FAM13C: variants seen among roughly 807,000 people sequenced by gnomAD.
FAM13C encodes family with sequence similarity 13 member C.
In FAM13C, 37 loss-of-function variants were observed where a neutral mutation model predicts 73.2. That is an observed-to-expected ratio of 0.51 (90% confidence interval 0.39 to 0.67). The LOEUF (loss-of-function observed/expected upper bound fraction) is 0.67, where lower values mean the gene tolerates loss of function less well. Ranked by LOEUF, FAM13C falls within the 30% of genes least tolerant of loss-of-function variation. FAM13C has a pLI of 0.00. For missense variants in FAM13C, 589 were observed against 715.6 expected (o/e 0.82, Z 2.02); for synonymous variants, 246 against 260.9 (o/e 0.94, Z 0.55).
intron 5 of FAM13C, among the ~76,000 whole-genome samples, chr10:59,289,644 C>A (rs114416841): frequency 6.6e-6 from 1 of 152,194 alleles, no homozygotes; most frequent in African/African-American, 2.4e-5. Flanking sequence ...AAAATCATGA[C>A]AGTTATTATT....
At chr10:59,265,845 T>C (rs998088129) in intron 8 of FAM13C, among the ~76,000 whole-genome samples, 1 of 152,194 alleles carries the variant, frequency 6.6e-6, no homozygotes. Flanking sequence ...TCAAATCACA[T>C]GGAAAGTTCT....
At chr10:59,302,545 A>T (rs1281963840) in intron 5 of FAM13C, among the ~76,000 whole-genome samples, 1 of 152,344 alleles carries the variant, frequency 6.6e-6, no homozygotes, top group Admixed American at 6.5e-5. Context: ...AGCTGAAAAG[A>T]GTGTAACAAA....
intron 4 of FAM13C, among the ~76,000 whole-genome samples, chr10:59,306,082 G>C (rs989825934): frequency 3.3e-5 from 5 of 152,314 alleles, no homozygotes; most frequent in Admixed American, 2.6e-4. Flanking sequence ...AAATGGAAGA[G>C]TGGTATTCTC....
At chr10:59,335,484 A>G in intron 3 of FAM13C, among the ~76,000 whole-genome samples, 1 of 152,158 alleles carries the variant, frequency 6.6e-6, no homozygotes, top group East Asian at 1.9e-4. Flanking sequence ...GCCAATAGAT[A>G]CCCCATGTCT....
rs946161554 is a variant in FAM13C at position 59,247,572 on chromosome 10, C to T, written c.*42G>A. 1.9e-6 allele frequency: 3 copies of T among 1,610,830 alleles called. No homozygotes were observed. The highest frequency in any genetic ancestry group is 2.5e-6 in the Non-Finnish European group (3 of 1,178,688). Reference sequence around the variant, plus strand: ...GGATGGCAGAGGAAAATAAACTTTACTTTATATCATGGGTGAAAGTGATCA... The same window carrying T: ...GGATGGCAGAGGAAAATAAACTTTATTTTATATCATGGGTGAAAGTGATCA... On this transcript the variant is annotated 3_prime_UTR_variant, in exon 14 of 14. Coordinates refer to ENST00000618804, the MANE Select transcript of FAM13C (RefSeq NM_198215.4).
chr10:59,247,598 TAAC>T lies in FAM13C; in HGVS notation c.*13_*15del, dbSNP rs746362808. On this transcript the variant is annotated 3_prime_UTR_variant, in exon 14 of 14. Transcript: ENST00000618804. The stretch of plus-strand genomic sequence containing the variant: ...TTTATATCATGGGTGAAAGTGATCA[TAAC>T]ATTTCCTGAACCTCAAATAGTTTTG... The T allele has an allele frequency of 6.2e-7, 1 of 1,613,196 alleles. No individual in the cohort carries two copies.
intron 8 of FAM13C, 21 bp from the exon 9 acceptor site, chr10:59,264,187 TGGG>T (rs1335799349): frequency 7.9e-7 from 1 of 1,268,482 alleles, no homozygotes; most frequent in Non-Finnish European, 1.0e-6. Context: ...AAGGAAAAAA[TGGG>T]GGTGGAAGGG....
At chr10:59,274,443 A>G (rs284623) in intron 6 of FAM13C, among the ~76,000 whole-genome samples, 150,408 of 152,202 alleles carry the variant, frequency 0.99, 74,342 homozygotes, top group Middle Eastern at 1. Flanking sequence ...GGGACTCTGC[A>G]TTGGGGAGAC....
chr10:59,318,459 T>C (rs1849805905), intron 4 of FAM13C, among the ~76,000 whole-genome samples: 1 of 152,162 alleles, frequency 6.6e-6, no homozygotes, highest in Non-Finnish European at 1.5e-5. Flanking sequence ...TCTAATGTTT[T>C]AAATATCTAG....
chr10:59,301,682 G>A (rs1218813028), intron 5 of FAM13C, among the ~76,000 whole-genome samples: 1 of 152,202 alleles, frequency 6.6e-6, no homozygotes, highest in Middle Eastern at 3.2e-3. Context: ...CAGTGGGGCA[G>A]ACAGCTGCGT....
chr10:59,247,735 C>G lies in FAM13C; in HGVS notation c.1637G>C (p.Ser546Thr). 3.1e-6 allele frequency: 5 copies of G among 1,607,982 alleles called. No individual in the cohort carries two copies. The highest frequency in any genetic ancestry group is 4.2e-6 in the Non-Finnish European group (5 of 1,177,754). The change falls in exon 14 of 14, where the codon AGT (serine) becomes ACT (threonine). Residue 546 changes from serine to threonine, a missense_variant and splice_region_variant. Ser to Thr is a moderately conservative substitution (Grantham distance 58). Transcript: ENST00000618804. ...EEQFFKQTGR[S>T]PQKEDRIPMA... ...TGGTATCCTATCTTCCTTTTGTGGA[C>G]TTCTGCAAAACAAAAATACATTTGT...
intron 4 of FAM13C, among the ~76,000 whole-genome samples, chr10:59,307,670 AG>A (rs758978238): frequency 5.6e-4 from 85 of 152,320 alleles, no homozygotes; most frequent in Non-Finnish European, 7.3e-4. Flanking sequence ...TTCTCACGGA[AG>A]GATAACAAAA....
At chr10:59,344,445 A>AT (rs34409864) in intron 3 of FAM13C, among the ~76,000 whole-genome samples, 95,397 of 143,510 alleles carry the variant, frequency 0.66, 32,741 homozygotes, top group East Asian at 0.83. Flanking sequence ...CGCACGGCTG[A>AT]TTTTTTTTTT....
At chr10:59,335,840 A>T (rs113292603) in intron 3 of FAM13C, among the ~76,000 whole-genome samples, 129 of 152,384 alleles carry the variant, frequency 8.5e-4, no homozygotes, top group African/African-American at 2.8e-3. Context: ...GTAATCTCAC[A>T]TACAGAGACT....
At chr10:59,355,533 C>T (rs529311232) in intron 2 of FAM13C, among the ~76,000 whole-genome samples, 1 of 152,152 alleles carries the variant, frequency 6.6e-6, no homozygotes, top group South Asian at 2.1e-4. Context: ...TACTATAAGC[C>T]CTTGATGACC....
intron 5 of FAM13C, among the ~76,000 whole-genome samples, chr10:59,283,862 G>C (rs1845229182): frequency 1.3e-5 from 2 of 152,120 alleles, no homozygotes; most frequent in Admixed American, 1.3e-4. Flanking sequence ...GCTGACATCA[G>C]GAAGCAGAAG....
At chr10:59,342,478 C>T (rs1853640376) in intron 3 of FAM13C, among the ~76,000 whole-genome samples, 1 of 152,078 alleles carries the variant, frequency 6.6e-6, no homozygotes, top group South Asian at 2.1e-4. Flanking sequence ...GATAGGGTCA[C>T]CCAGAGTTAG....
chr10:59,329,724 T>A lies in FAM13C; in HGVS notation c.325-5618A>T, dbSNP rs146689382. ...ACTGCTTTGTTGTAAGACTTTCTAG[T>A]AGAAAACAGACATTCAATTATGCTG... is the stretch of plus-strand genomic sequence containing the variant. On this transcript the variant is annotated intron_variant, in intron 3 of 13. Transcript: ENST00000618804. Among the ~76,000 whole-genome samples the A allele has an allele frequency of 1.1e-3, 174 of 152,300 alleles. 1 individual carries two copies. The highest frequency in any genetic ancestry group is 4.0e-3 in the African/African-American group (168 of 41,550).
chr10:59,270,066 A>C lies in FAM13C; in HGVS notation c.636T>G (p.Ser212Arg), dbSNP rs920736357. 6.2e-7 allele frequency: 1 copy of C among 1,613,628 alleles called. No individual in the cohort carries two copies. The highest frequency in any genetic ancestry group is 8.5e-7 in the Non-Finnish European group (1 of 1,179,774). The stretch of plus-strand genomic sequence containing the variant: ...CCACAGAGTGGAGGTCTTCTGGTGC[A>C]CTGTCGGCCTCATTCTGCCCATCTT... The part of the protein sequence containing the change: ...VHKDGQNEAD[S>R]APEDLHSVGT... The change falls in exon 7 of 14, where the codon AGT (serine) becomes AGG (arginine). Residue 212 changes from serine to arginine, a missense_variant. Transcript: ENST00000618804.
Sources: allele counts gnomAD v4.1 joint callset (sites outside exome capture counted in the v4.1 genomes callset), GRCh38; gene constraint gnomAD v4.1.1; transcripts MANE v1.5; gene names NCBI Gene and HGNC (gene_info 2026-07-23, HGNC 2026-07-21).